The following PDE12 variants were observed in gnomAD, a reference collection of about 807,000 sequenced individuals.
PDE12 encodes 2',5'-phosphodiesterase 12.
In PDE12, 26 loss-of-function variants were observed where a neutral mutation model predicts 45.4. That is an observed-to-expected ratio of 0.57 (90% confidence interval 0.42 to 0.79). The LOEUF is 0.79. Ranked by LOEUF, PDE12 falls within the 30% of genes least tolerant of loss-of-function variation. The probability of loss-of-function intolerance (pLI) is 0.00; values close to 1 mark genes in which losing one functional copy is unlikely to be tolerated. For synonymous variants in PDE12, 283 were observed against 323.9 expected, an observed-to-expected ratio of 0.87 and a Z score of 1.36; for missense variants, 668 against 790.0, an observed-to-expected ratio of 0.85 and a Z score of 1.85.
Position 57,565,258 on chromosome 3 carries a change from G to T in PDE12, c.*5254G>T, listed in dbSNP as rs2069773384. On this transcript the variant is annotated 3_prime_UTR_variant, in exon 3 of 3. Coordinates refer to ENST00000311180, the MANE Select transcript of PDE12 (RefSeq NM_177966.7). ...CCCGCTTCAGCCTCCCAAAGTACTG[G>T]GATTATAGGTGTGAGCCAGCACACA... 2 of 151,780 alleles carry T rather than the reference G, an allele frequency of 1.3e-5. No homozygotes were observed. The highest frequency in any genetic ancestry group is 4.2e-4 in the South Asian group (2 of 4,818). The allele number at this position is 151,780 out of a possible 1,614,324, so 9.4% of individuals were successfully genotyped here.
At chr3:57,637,075 G>A in the PDE12 span, among the ~76,000 whole-genome samples, 3 of 151,946 alleles carry the variant, frequency 2.0e-5, no homozygotes, top group African/African-American at 2.4e-5. Context: ...ACCATTTACT[G>A]AAGATGTCCT....
the PDE12 span, among the ~76,000 whole-genome samples, chr3:57,618,617 T>TG: frequency 1.6e-5 from 2 of 126,882 alleles, no homozygotes; most frequent in African/African-American, 5.2e-5. Context: ...GTTTTTTTTT[T>TG]TTTTTTTTTT....
chr3:57,607,474 A>G, the PDE12 span, among the ~76,000 whole-genome samples: 1 of 152,194 alleles, frequency 6.6e-6, no homozygotes, highest in African/African-American at 2.4e-5. Context: ...ACCCACGCAA[A>G]GAAGTAAAAA....
chr3:57,631,005 A>C, the PDE12 span: 1 of 1,603,856 alleles, frequency 6.2e-7, no homozygotes, highest in Non-Finnish European at 8.5e-7. Context: ...AGTTAATAAA[A>C]GGAGTGTCTT....
the PDE12 span, chr3:57,584,069 G>A: frequency 1.5e-4 from 170 of 1,164,330 alleles, 2 homozygotes; most frequent in Admixed American, 4.4e-5. Flanking sequence ...ACCTTTTATT[G>A]TGGAATTTTC....
the PDE12 span, among the ~76,000 whole-genome samples, chr3:57,642,761 TTGGGAAGGCCGAGG>T: frequency 3.3e-5 from 5 of 151,990 alleles, no homozygotes; most frequent in East Asian, 9.7e-4. Context: ...TCCCAGCCCT[TTGGGAAGGCCGAGG>T]TGGGCAGATC....
rs2069735831 is a variant in PDE12 at position 57,562,267 on chromosome 3, A to G, written c.*2263A>G. On this transcript the variant is annotated 3_prime_UTR_variant, in exon 3 of 3. Coordinates refer to ENST00000311180, the MANE Select transcript of PDE12 (RefSeq NM_177966.7). ...TCTAGTCAGAAAAACTCAGCACTTA[A>G]CAGACATTCCATGTCCTATATCCTT... 1 of 219,192 alleles carries G rather than the reference A, an allele frequency of 4.6e-6. No homozygotes were observed. The highest frequency in any genetic ancestry group is 7.7e-6 in the Non-Finnish European group (1 of 129,542). 13.6% of individuals were successfully genotyped at this position (219,192 alleles called of 1,614,324 possible). A position where few individuals can be genotyped will look rare whatever the true frequency, so the allele number is the denominator to read the frequency against.
At chr3:57,628,811 C>T in the PDE12 span, 1 of 1,610,522 alleles carries the variant, frequency 6.2e-7, no homozygotes, top group Non-Finnish European at 8.5e-7. Context: ...GGCTACATAC[C>T]AGCTTATTTT....
At chr3:57,645,103 A>G in the PDE12 span, among the ~76,000 whole-genome samples, 1 of 152,070 alleles carries the variant, frequency 6.6e-6, no homozygotes, top group Non-Finnish European at 1.5e-5. Context: ...AAGATTTTTC[A>G]TAAAGAAGTA....
At chr3:57,649,775 C>T in the PDE12 span, among the ~76,000 whole-genome samples, 4 of 151,772 alleles carry the variant, frequency 2.6e-5, no homozygotes, top group Non-Finnish European at 2.9e-5. Flanking sequence ...ACCCTGCTCA[C>T]TCTCTGATTC....
At position 57,556,854 on chromosome 3, in the gene PDE12, C is replaced by A; in HGVS notation, c.475C>A (p.Arg159Ser). 1 of 1,614,040 alleles carries A rather than the reference C, an allele frequency of 6.2e-7. No individual in the cohort carries two copies. Among genetic ancestry groups the A allele is most frequent in the Non-Finnish European group, 8.5e-7 (1 of 1,180,032 alleles). ...CGGCGATGTTAAGTACAAGGTGGAG[C>A]GCAACCCGCCCGCCTTCACCGAACT... ...QIGDVKYKVE[R>S]NPPAFTELQL... The change falls in exon 1 of 3, where the codon CGC becomes AGC. Residue 159 changes from arginine to serine, a missense_variant. By Grantham distance (110) the Arg-to-Ser change is moderately radical. Around this residue, in one of 3 missense-constraint regions of PDE12, gnomAD observed 580 missense variants for 662.9 expected, o/e 0.87. Transcript: ENST00000311180. The surrounding 1 kb of genome is among the most constrained non-coding windows in gnomAD (Gnocchi z 5.0).
At chr3:57,632,359 G>C in the PDE12 span, among the ~76,000 whole-genome samples, 4 of 151,222 alleles carry the variant, frequency 2.6e-5, no homozygotes, top group East Asian at 7.8e-4. Flanking sequence ...TCTTGCTGTT[G>C]CCCAGGATGG....
the PDE12 span, among the ~76,000 whole-genome samples, chr3:57,576,641 A>G: frequency 6.6e-6 from 1 of 152,014 alleles, no homozygotes; most frequent in Non-Finnish European, 1.5e-5. Context: ...AGGAATGAAC[A>G]AGAATTAAGA....
chr3:57,622,574 C>G, the PDE12 span, among the ~76,000 whole-genome samples: 1 of 152,192 alleles, frequency 6.6e-6, no homozygotes, highest in Non-Finnish European at 1.5e-5. Context: ...CCTCATACCA[C>G]TCCTAGGTAT....
chr3:57,579,049 C>A, the PDE12 span, among the ~76,000 whole-genome samples: 1 of 152,020 alleles, frequency 6.6e-6, no homozygotes, highest in South Asian at 2.1e-4. Context: ...GTAATCCCAG[C>A]ATTCTGGGAG....
chr3:57,600,207 T>C, the PDE12 span: 1 of 152,136 alleles, frequency 6.6e-6, no homozygotes, highest in Non-Finnish European at 1.5e-5. Context: ...TTATTTTTTG[T>C]AGAGACAGGG....
the PDE12 span, chr3:57,634,523 G>A: frequency 1.7e-6 from 2 of 1,203,852 alleles, no homozygotes; most frequent in South Asian, 1.9e-5. Context: ...ACCTGAACAA[G>A]GAAATTTAAA....
At chr3:57,622,659 T>C in the PDE12 span, among the ~76,000 whole-genome samples, 1 of 152,154 alleles carries the variant, frequency 6.6e-6, no homozygotes, top group South Asian at 2.1e-4. Context: ...TTATCTGTAA[T>C]AGCCAAAAAC....
At chr3:57,577,459 AAATGGTACC>A in the PDE12 span, 1 of 1,185,046 alleles carries the variant, frequency 8.4e-7, no homozygotes, top group Non-Finnish European at 1.3e-6. Context: ...GTAGGCAGCA[AAATGGTACC>A]AATGGTTAGA....
Sources: gnomAD v4.1 joint callset for allele counts (sites outside exome capture counted in the v4.1 genomes callset) on GRCh38, gnomAD v4.1.1 for gene constraint, gnomAD v4.1.1 regional missense constraint, Gnocchi (gnomAD v3.1) non-coding constraint, MANE v1.5 for transcripts, NCBI Gene and HGNC (gene_info 2026-07-23, HGNC 2026-07-21) for gene names.